Variants in AMPD1 observed in about 807,000 individuals in gnomAD.
AMPD1 encodes the protein AMP deaminase 1.
Under a neutral mutation model 82.9 loss-of-function variants are expected in AMPD1, and 74 were observed. The observed-to-expected ratio is 0.89, with a 90% CI of 0.74 to 1.08. The LOEUF (loss-of-function observed/expected upper bound fraction) is 1.08, where lower values mean the gene tolerates loss of function less well. Ranked by LOEUF, AMPD1 falls within the 50% of genes least tolerant of loss-of-function variation. The pLI is 0.00. For missense variants in AMPD1, 881 were observed against 924.5 expected (o/e 0.95, Z 0.61); for synonymous variants, 333 against 320.5 (o/e 1.04, Z -0.42).
chr1:114,684,258 G>T lies in AMPD1; in HGVS notation c.488C>A (p.Ser163Tyr), dbSNP rs1213559333. 6.2e-7 allele frequency: 1 copy of T among 1,614,074 alleles called. No homozygotes were observed. Among genetic ancestry groups the T allele is most frequent in the Admixed American group, 1.7e-5 (1 of 60,010 alleles). ...KSFQRFPKTP[S>Y]KYLRNIDGEA... ...ACCATCAATGTTCCGCAAGTATTTG[G>T]AAGGGGTTTTAGGGAACCTCTGAAA... Residue 163 changes from serine to tyrosine, a missense_variant, in exon 5 of 16, where the codon TCC (serine) becomes TAC (tyrosine). Ser to Tyr is a moderately radical substitution (Grantham distance 144). Transcript: ENST00000520113.
At chr1:114,679,520 C>T in intron 7 of AMPD1, 59 bp downstream of exon 7, 1 of 1,601,602 alleles carries the variant, frequency 6.2e-7, no homozygotes, top group South Asian at 1.1e-5. Context: ...TTGTGCTTCT[C>T]AATAAATAAT....
chr1:114,690,057 C>A (rs538118345), intron 2 of AMPD1, among the ~76,000 whole-genome samples: 61 of 152,236 alleles, frequency 4.0e-4, no homozygotes, highest in African/African-American at 1.4e-3. Flanking sequence ...GATGACAGAG[C>A]AAACTGTATG....
At chr1:114,676,127 T>C (rs1570838633) in intron 10 of AMPD1, 124 bp from the exon 11 acceptor site, 1 of 1,134,732 alleles carries the variant, frequency 8.8e-7, no homozygotes, top group Non-Finnish European at 1.3e-6. Flanking sequence ...CTATCCTAGG[T>C]CCATGCTCCT....
intron 1 of AMPD1, among the ~76,000 whole-genome samples, chr1:114,694,888 G>C (rs1228206519): frequency 6.6e-6 from 1 of 152,112 alleles, no homozygotes; most frequent in Non-Finnish European, 1.5e-5. Flanking sequence ...TACTTTTACT[G>C]AATTTCCCAA....
In AMPD1 at chr1:114,686,931, T is replaced by A. The variant is rs1246787517; in HGVS notation, c.216-21A>T. On this transcript the variant is annotated intron_variant, in intron 3 of 15. Transcript: ENST00000520113. ...TTTTTCTGGGTTCGAAATTTAAAAGTAAGAGTTAATTTTGTCTTCATCAGG... is the reference window on the plus strand; with the variant it reads ...TTTTTCTGGGTTCGAAATTTAAAAGAAAGAGTTAATTTTGTCTTCATCAGG... The A allele has an allele frequency of 1.9e-6, 3 of 1,613,678 alleles. No homozygotes were observed. In the Admixed American group the frequency reaches 5.0e-5, roughly 27 times the overall value.
chr1:114,675,638 G>A lies in AMPD1; in HGVS notation c.1571C>T (p.Ser524Phe). The stretch of plus-strand genomic sequence containing the variant: ...CTCCTGGGGCTTGGGACTCTTGGAG[G>A]AGAACATGTGGCCACTGTGTTTGGA... ...DESKHSGHMFSSKSPKPQEWT... is the reference protein window; with the variant it reads ...DESKHSGHMFFSKSPKPQEWT... Residue 524 changes from serine (S) to phenylalanine (F), a missense_variant, in exon 12 of 16, where the codon TCC becomes TTC. By Grantham distance (155) the Ser-to-Phe change is radical (BLOSUM62 -2). Around this residue, in one of 2 missense-constraint regions of AMPD1, gnomAD observed 783 missense variants for 786.4 expected, o/e 1.00. Transcript: ENST00000520113. The A allele has an allele frequency of 6.2e-7, 1 of 1,614,208 alleles. No homozygotes were observed. The highest frequency in any genetic ancestry group is 8.5e-7 in the Non-Finnish European group (1 of 1,180,032).
At chr1:114,683,494 G>C (rs754881887) in intron 5 of AMPD1, among the ~76,000 whole-genome samples, 1 of 152,160 alleles carries the variant, frequency 6.6e-6, no homozygotes, top group Non-Finnish European at 1.5e-5. Context: ...CCAGAACTTT[G>C]GGAAGTTGAG....
At chr1:114,678,075 T>A in intron 8 of AMPD1, 34 bp from the exon 9 acceptor site, 1 of 1,613,056 alleles carries the variant, frequency 6.2e-7, no homozygotes, top group Non-Finnish European at 8.5e-7. Context: ...GATGTATTAT[T>A]ACCAGAGCTG....
chr1:114,675,925 G>C lies in AMPD1; in HGVS notation c.1467C>G (p.Ala489=). 1 of 1,614,128 alleles carries C rather than the reference G, an allele frequency of 6.2e-7. No homozygotes were observed. Among genetic ancestry groups the C allele is most frequent in the Non-Finnish European group, 8.5e-7 (1 of 1,180,030 alleles). ...LENIFMPVFE[A]TINPQADPEL... Reference sequence around the variant, plus strand: ...CTGGGTCAGCCTGGGGGTTGATGGTGGCCTCAAACACTGGCATGAAAATAT... The same window carrying C: ...CTGGGTCAGCCTGGGGGTTGATGGTCGCCTCAAACACTGGCATGAAAATAT... Residue 489 remains alanine, a synonymous_variant, in exon 11 of 16, where the codon GCC becomes GCG. Transcript: ENST00000520113.
intron 1 of AMPD1, among the ~76,000 whole-genome samples, chr1:114,693,911 C>A (rs1239225776): frequency 6.6e-6 from 1 of 152,046 alleles, no homozygotes; most frequent in Non-Finnish European, 1.5e-5. Context: ...CTTAAAAAAA[C>A]CATAAAGAGG....
In AMPD1 at chr1:114,674,810, T is replaced by C. The variant is rs1657933566; in HGVS notation, c.1742A>G (p.His581Arg). ...TGCTATCATGAATGCTGTCATGAGA[T>C]GGGTGAGGGCTCCAGCTTCTCCACA... is the stretch of plus-strand genomic sequence containing the variant. Reference protein sequence around the residue: ...PHCGEAGALTHLMTAFMIADD... With the variant: ...PHCGEAGALTRLMTAFMIADD... The change falls in exon 13 of 16, where the codon CAT becomes CGT. Residue 581 changes from histidine to arginine, a missense_variant. By Grantham distance (29) the His-to-Arg change is conservative (BLOSUM62 0). Coordinates refer to ENST00000520113, the MANE Select transcript of AMPD1 (RefSeq NM_000036.3). The C allele has an allele frequency of 1.2e-6, 2 of 1,613,544 alleles. No individual in the cohort carries two copies. Among genetic ancestry groups the C allele is most frequent in the Non-Finnish European group, 1.7e-6 (2 of 1,179,588 alleles).
intron 1 of AMPD1, among the ~76,000 whole-genome samples, chr1:114,694,959 CAT>C (rs1486826017): frequency 4.6e-5 from 7 of 152,144 alleles, no homozygotes; most frequent in African/African-American, 1.7e-4. Context: ...TCACATGAAA[CAT>C]GTATTGCTTT....
rs148515775 is a variant in AMPD1 at position 114,674,077 on chromosome 1, G to C, written c.1806C>G (p.Pro602=). 37 of 1,613,246 alleles carry C rather than the reference G, an allele frequency of 2.3e-5. No homozygotes were observed. The highest frequency in any genetic ancestry group is 3.1e-5 in the Non-Finnish European group (36 of 1,179,454). Residue 602 remains proline (P), a synonymous_variant, in exon 14 of 16, where the codon CCC becomes CCG. Transcript: ENST00000520113. The stretch of plus-strand genomic sequence containing the variant: ...CTAAGAAAAACAAGTACTGTAGCAC[G>C]GGACTCTGAAAAAGAAAAGTAAAAA... ...ISHGLNLKKS[P]VLQYLFFLAQ...
chr1:114,681,505 G>A (rs1239071592), intron 5 of AMPD1, among the ~76,000 whole-genome samples: 1 of 133,670 alleles, frequency 7.5e-6, no homozygotes, highest in Non-Finnish European at 1.6e-5. Context: ...TGAGGTAGGA[G>A]AGTCTCTTGA....
In AMPD1 at chr1:114,680,446, G is replaced by C. The variant is rs1184551939; in HGVS notation, c.580C>G (p.Pro194Ala). ...FTPPVKKGED[P>A]FRTDNLPENL... ...TCAGGAAGGTTGTCTGTTCGGAAGGGGTCCTCTCCCTTCTTCACAGGAGGA... is the reference window on the plus strand; with the variant it reads ...TCAGGAAGGTTGTCTGTTCGGAAGGCGTCCTCTCCCTTCTTCACAGGAGGA... The change falls in exon 6 of 16, where the codon CCC (proline) becomes GCC (alanine). Residue 194 changes from proline to alanine, a missense_variant. Around this residue, in one of 2 missense-constraint regions of AMPD1, gnomAD observed 783 missense variants for 786.4 expected, o/e 1.00. Coordinates refer to ENST00000520113, the MANE Select transcript of AMPD1 (RefSeq NM_000036.3). 2 of 1,614,064 alleles carry C rather than the reference G, an allele frequency of 1.2e-6. No individual in the cohort carries two copies. Among genetic ancestry groups the C allele is most frequent in the Non-Finnish European group, 1.7e-6 (2 of 1,180,016 alleles).
Position 114,680,302 on chromosome 1 carries a change from C to G in AMPD1, c.724G>C (p.Asp242His), listed in dbSNP as rs757686805. ...AAAGCAAGTAAAAAATTCATATCGT[C>G]TAAGAAGGTGTCCAGATTTGGGTAA... is the stretch of plus-strand genomic sequence containing the variant. ...LPYPNLDTFL[D>H]DMNFLLALIA... Residue 242 changes from aspartate (D) to histidine (H), a missense_variant, in exon 6 of 16, where the codon GAC becomes CAC. Around this residue, in one of 2 missense-constraint regions of AMPD1, gnomAD observed 783 missense variants for 786.4 expected, o/e 1.00. Coordinates refer to ENST00000520113, the MANE Select transcript of AMPD1 (RefSeq NM_000036.3). 1 of 1,614,182 alleles carries G rather than the reference C, an allele frequency of 6.2e-7. No homozygotes were observed. The highest frequency in any genetic ancestry group is 1.7e-5 in the Admixed American group (1 of 60,022).
chr1:114,689,943 A>C (rs1658466262), intron 2 of AMPD1, among the ~76,000 whole-genome samples: 4 of 152,172 alleles, frequency 2.6e-5, no homozygotes, highest in Admixed American at 2.6e-4. Flanking sequence ...TATTACCTCT[A>C]ATACTTTTCC....
chr1:114,680,682 A>G (rs1658131802), intron 5 of AMPD1, among the ~76,000 whole-genome samples: 1 of 152,198 alleles, frequency 6.6e-6, no homozygotes, highest in Admixed American at 6.5e-5. Context: ...AAAATAATAT[A>G]TTGGCCAGGC....
At chr1:114,686,979 G>A in intron 3 of AMPD1, 69 bp from the exon 4 acceptor site, 1 of 1,490,592 alleles carries the variant, frequency 6.7e-7, no homozygotes, top group Non-Finnish European at 9.3e-7. Context: ...ATAGATAGAT[G>A]TTTCTCTATA....
Sources: allele counts gnomAD v4.1 joint callset (sites outside exome capture counted in the v4.1 genomes callset), GRCh38; gene constraint gnomAD v4.1.1; regional missense constraint gnomAD v4.1.1; transcripts MANE v1.5; gene names NCBI Gene and HGNC (gene_info 2026-07-23, HGNC 2026-07-21).